KIAA0319: variants seen among roughly 807,000 people sequenced by gnomAD.
The protein encoded by KIAA0319 is KIAA0319, also known as dyslexia-associated protein KIAA0319.
A neutral mutation model predicts 108.4 loss-of-function variants in KIAA0319; 83 were observed. The ratio of observed to expected loss-of-function variants is 0.77; its 90% confidence interval spans 0.64 to 0.92. The LOEUF (loss-of-function observed/expected upper bound fraction) is 0.92, where lower values mean the gene tolerates loss of function less well. Ranked by LOEUF, KIAA0319 falls within the 40% of genes least tolerant of loss-of-function variation. The probability of loss-of-function intolerance (pLI) is 0.00; values close to 1 mark genes in which losing one functional copy is unlikely to be tolerated. For missense variants in KIAA0319, 1,195 were observed against 1,322.4 expected (o/e 0.90, Z 1.49); for synonymous variants, 484 against 510.4 (o/e 0.95, Z 0.70).
chr6:24,594,761 G>A (rs1027688410), intron 3 of KIAA0319, among the ~76,000 whole-genome samples: 3 of 151,770 alleles, frequency 2.0e-5, no homozygotes, highest in African/African-American at 4.8e-5. Context: ...CATAAGTACT[G>A]GAATCTAAAG....
In KIAA0319 at chr6:24,624,017, C is replaced by CTTTT. The variant is rs536970883; in HGVS notation, c.-106+21715_-106+21718dup. ...AAATAATTTTGAATTTCTTTGTTTT[C>CTTTT]TTTTTTTTTTTTTTTTTTTTTTTTT... On this transcript the variant is annotated intron_variant, in intron 1 of 20. Transcript: ENST00000378214. 9.7e-4 allele frequency among the ~76,000 whole-genome samples: 49 copies of CTTTT among 50,508 alleles called. 5 individuals carry two copies. Among genetic ancestry groups the CTTTT allele is most frequent in the Non-Finnish European group, 1.3e-3 (36 of 27,642 alleles). 33.1% of individuals were successfully genotyped at this position (50,508 alleles called of 152,430 possible).
At chr6:24,550,320 A>G (rs772593878) in intron 20 of KIAA0319, among the ~76,000 whole-genome samples, 10 of 152,236 alleles carry the variant, frequency 6.6e-5, no homozygotes, top group Non-Finnish European at 1.3e-4. Flanking sequence ...GTGCCTGTGC[A>G]CAAGGTAGGC....
At chr6:24,634,037 A>T (rs1775901310) in intron 1 of KIAA0319, among the ~76,000 whole-genome samples, 1 of 152,258 alleles carries the variant, frequency 6.6e-6, no homozygotes, top group South Asian at 2.1e-4. Context: ...GGATCAATTA[A>T]GGAATTAGAT....
At chr6:24,569,040 A>T in intron 12 of KIAA0319, 111 bp from the exon 13 acceptor site, 1 of 1,074,386 alleles carries the variant, frequency 9.3e-7, no homozygotes, top group Non-Finnish European at 1.3e-6. Context: ...AATATATACC[A>T]TTTAGAGAAT....
At chr6:24,551,583 G>T in intron 19 of KIAA0319, 58 bp from the exon 20 acceptor site, 4 of 1,167,354 alleles carry the variant, frequency 3.4e-6, no homozygotes, top group Non-Finnish European at 5.2e-6. Flanking sequence ...TGAGAGCTAG[G>T]ATTTAACGCA....
intron 15 of KIAA0319, among the ~76,000 whole-genome samples, chr6:24,563,746 G>A (rs888494804): frequency 6.6e-6 from 1 of 152,000 alleles, no homozygotes; most frequent in Admixed American, 6.6e-5. Context: ...GAAGATAATC[G>A]GGTGTACCTA....
chr6:24,599,805 C>A lies in KIAA0319; in HGVS notation c.55+1244G>T. 2 of 468,542 alleles carry A rather than the reference C, an allele frequency of 4.3e-6. No individual in the cohort carries two copies. Among genetic ancestry groups the A allele is most frequent in the East Asian group, 5.1e-5 (1 of 19,754 alleles). 29.0% of individuals were successfully genotyped at this position (468,542 alleles called of 1,614,324 possible). On this transcript the variant is annotated intron_variant, in intron 2 of 20. Transcript: ENST00000378214. This position sits in a 1 kb window ranked among gnomAD's most constrained non-coding sequence, Gnocchi z 4.1. ...GCCCAAGTGAATGGCCACAGCAGCC[C>A]CTCCCAGCCTACCCCCTCCTGTGAC...
rs183223816 is a variant in KIAA0319 at position 24,545,713 on chromosome 6, G to A, written c.*1452C>T. 10 of 152,244 alleles carry A rather than the reference G, an allele frequency of 6.6e-5. No homozygotes were observed. The highest frequency in any genetic ancestry group is 2.1e-4 in the South Asian group (1 of 4,822). The allele number at this position is 152,244 out of a possible 1,614,324, so 9.4% of individuals were successfully genotyped here. A position where few individuals can be genotyped will look rare whatever the true frequency, so the allele number is the denominator to read the frequency against. ...ATGGTCCCATGAGGATGAATACTGC[G>A]GGAGATGACAAAAGCACCTAAAAGC... is the stretch of plus-strand genomic sequence containing the variant. On this transcript the variant is annotated 3_prime_UTR_variant, in exon 21 of 21. Transcript: ENST00000378214.
At chr6:24,583,493 G>A in intron 5 of KIAA0319, 111 bp downstream of exon 5, 1 of 743,340 alleles carries the variant, frequency 1.3e-6, no homozygotes, top group Non-Finnish European at 2.3e-6. Flanking sequence ...CTTTGTTTGT[G>A]ACGTCGTGCA....
At chr6:24,568,994 C>T (rs979854673) in intron 12 of KIAA0319, 65 bp from the exon 13 acceptor site, 24 of 1,492,408 alleles carry the variant, frequency 1.6e-5, no homozygotes, top group African/African-American at 5.5e-5. Flanking sequence ...GACAGGCATG[C>T]GATTTGTGCT....
chr6:24,546,414 G>C lies in KIAA0319; in HGVS notation c.*751C>G, dbSNP rs997514255. On this transcript the variant is annotated 3_prime_UTR_variant, in exon 21 of 21. Coordinates refer to ENST00000378214, the MANE Select transcript of KIAA0319 (RefSeq NM_014809.4). ...GAACTATACTGCTAAACAACACCGAGAGGAGTCAGTGTAGTTTTTCTTAGA... is the reference window on the plus strand; with the variant it reads ...GAACTATACTGCTAAACAACACCGACAGGAGTCAGTGTAGTTTTTCTTAGA... 6.6e-6 allele frequency: 1 copy of C among 152,116 alleles called. No individual in the cohort carries two copies. The highest frequency in any genetic ancestry group is 2.1e-4 in the South Asian group (1 of 4,802). The allele number at this position is 152,116 out of a possible 1,614,324, so 9.4% of individuals were successfully genotyped here.
At chr6:24,551,590 C>T (rs765486492) in intron 19 of KIAA0319, 65 bp from the exon 20 acceptor site, 23 of 1,123,742 alleles carry the variant, frequency 2.0e-5, no homozygotes, top group South Asian at 7.5e-5. Context: ...TAGGATTTAA[C>T]GCACAGTAAA....
chr6:24,558,947 A>G, intron 17 of KIAA0319, 66 bp downstream of exon 17: 5 of 1,450,174 alleles, frequency 3.4e-6, no homozygotes, highest in Admixed American at 2.2e-5. Context: ...CTCCTCTTCT[A>G]TGTTTGTCAA....
intron 1 of KIAA0319, among the ~76,000 whole-genome samples, chr6:24,622,858 A>G (rs1774155616): frequency 1.3e-5 from 2 of 152,076 alleles, no homozygotes; most frequent in Non-Finnish European, 2.9e-5. Context: ...AGCCTGGCCA[A>G]CGAAACCCTG....
intron 13 of KIAA0319, among the ~76,000 whole-genome samples, chr6:24,567,062 T>G (rs1581963101): frequency 6.6e-6 from 1 of 152,296 alleles, no homozygotes; most frequent in East Asian, 1.9e-4. Flanking sequence ...TACCAACATT[T>G]AGGGTATTGA....
intron 1 of KIAA0319, among the ~76,000 whole-genome samples, chr6:24,640,260 A>C (rs9366575): frequency 0.7 from 106,868 of 152,032 alleles, 38,139 homozygotes; most frequent in East Asian, 0.87. Flanking sequence ...AAAGGCATGC[A>C]CAGTGAGCAA....
intron 1 of KIAA0319, among the ~76,000 whole-genome samples, chr6:24,603,583 G>A (rs1170022633): frequency 1.3e-5 from 2 of 152,228 alleles, no homozygotes; most frequent in East Asian, 3.9e-4. Context: ...CTTATAGGAG[G>A]ACAACACTCT....
rs558840976 is a variant in KIAA0319, at chr6:24,596,101, G to A, written c.573C>T (p.Ser191=). ...CAACAGAGGAGTTGAAGGCCCCCTC[G>A]CTGCCCGGCAGTAGGCCCCAGTCCG... ...EYTDWGLLPG[S]EGAFNSSVGD... The change falls in exon 3 of 21, where the codon AGC becomes AGT. Residue 191 remains serine, a synonymous_variant. Transcript: ENST00000378214. The A allele has an allele frequency of 2.5e-5, 41 of 1,614,056 alleles. No individual in the cohort carries two copies. The East Asian group carries it at 3.8e-4, about 15-fold the overall frequency.
In KIAA0319 at chr6:24,599,882, G is replaced by A. The variant is rs552121412; in HGVS notation, c.55+1167C>T. On this transcript the variant is annotated intron_variant, in intron 2 of 20. Transcript: ENST00000378214. The surrounding 1 kb of genome is among the most constrained non-coding windows in gnomAD (Gnocchi z 4.1). Reference sequence around the variant, plus strand: ...CTGTGCAGGGGAGCATAGGGAACAGGAGACCCACCTGAGGCTCAGCGCTCG... The same window carrying A: ...CTGTGCAGGGGAGCATAGGGAACAGAAGACCCACCTGAGGCTCAGCGCTCG... The A allele has an allele frequency of 3.9e-4, 140 of 355,008 alleles. No individual in the cohort carries two copies. Among genetic ancestry groups the A allele is most frequent in the Admixed American group, 1.4e-3 (37 of 25,622 alleles). 22.0% of individuals were successfully genotyped at this position (355,008 alleles called of 1,614,324 possible).
Sources: gnomAD v4.1 joint callset for allele counts (sites outside exome capture counted in the v4.1 genomes callset) on GRCh38, gnomAD v4.1.1 for gene constraint, Gnocchi (gnomAD v3.1) non-coding constraint, MANE v1.5 for transcripts, NCBI Gene and HGNC (gene_info 2026-07-23, HGNC 2026-07-21) for gene names.